The following GLRB variants were observed in gnomAD, a reference collection of about 807,000 sequenced individuals.
GLRB encodes the protein glycine receptor subunit beta.
GLRB carries 33 observed loss-of-function variants against 54.2 expected under a neutral mutation model. The ratio of observed to expected loss-of-function variants is 0.61; its 90% CI spans 0.46 to 0.81. The LOEUF is 0.81. GLRB is among the 40% of genes least tolerant of loss of function. The pLI, the probability that GLRB is intolerant of heterozygous loss-of-function variation, is 0.00. For missense variants in GLRB, 572 were observed against 584.6 expected, an observed-to-expected ratio of 0.98 and a Z score of 0.22; for synonymous variants, 209 against 208.2, an observed-to-expected ratio of 1.00 and a Z score of -0.03.
chr4:157,170,712 G>C lies in GLRB; in HGVS notation c.1478G>C (p.Trp493Ser), dbSNP rs1226476075. The change falls in exon 10 of 10, where the codon TGG becomes TCG. Residue 493 changes from tryptophan (W) to serine (S), a missense_variant. By Grantham distance (177) the Trp-to-Ser change is radical. Coordinates refer to ENST00000264428, the MANE Select transcript of GLRB (RefSeq NM_000824.5). ...FCFLFFNVIY[W>S]SIYL ...TTCTTGTTCTTCAATGTTATATATT[G>C]GTCTATATATTTATGATAAATCTTT... is the stretch of plus-strand genomic sequence containing the variant. 3 of 1,530,194 alleles carry C rather than the reference G, an allele frequency of 2.0e-6. No individual in the cohort carries two copies. The highest frequency in any genetic ancestry group is 1.8e-6 in the Non-Finnish European group (2 of 1,122,656). The allele number at this position is 1,530,194 out of a possible 1,614,324, so 94.8% of individuals were successfully genotyped here.
At chr4:157,160,076 C>T (rs764727108) in intron 9 of GLRB, among the ~76,000 whole-genome samples, 67 of 152,002 alleles carry the variant, frequency 4.4e-4, no homozygotes, top group Non-Finnish European at 7.2e-4. Context: ...GTGTGTGTGT[C>T]GAGGAATTTA....
intron 7 of GLRB, among the ~76,000 whole-genome samples, chr4:157,140,900 A>G (rs1454583806): frequency 6.6e-6 from 1 of 151,954 alleles, no homozygotes; most frequent in East Asian, 1.9e-4. Context: ...ATGTAATAGC[A>G]TATGATTATA....
chr4:157,160,043 C>T (rs138959591), intron 9 of GLRB, among the ~76,000 whole-genome samples: 7,437 of 152,200 alleles, frequency 0.049, 209 homozygotes, highest in Middle Eastern at 0.11. Flanking sequence ...GATTCAACTT[C>T]TTTCTGGTTT....
At chr4:157,130,554 T>C (rs944213607) in intron 4 of GLRB, among the ~76,000 whole-genome samples, 1 of 151,706 alleles carries the variant, frequency 6.6e-6, no homozygotes, top group Admixed American at 6.6e-5. Flanking sequence ...TCATGCATGC[T>C]GTAACATGTG....
intron 4 of GLRB, among the ~76,000 whole-genome samples, chr4:157,129,261 G>A (rs1007787860): frequency 6.6e-6 from 1 of 151,690 alleles, no homozygotes. Flanking sequence ...CATAAAAGAG[G>A]TCTGTTTCTG....
intron 2 of GLRB, among the ~76,000 whole-genome samples, chr4:157,105,356 G>A (rs1277291791): frequency 6.6e-6 from 1 of 151,772 alleles, no homozygotes; most frequent in Non-Finnish European, 1.5e-5. Flanking sequence ...CTGATTTCCA[G>A]TTTCATTCCA....
intron 4 of GLRB, among the ~76,000 whole-genome samples, chr4:157,126,602 C>T (rs1736023137): frequency 6.6e-6 from 1 of 151,850 alleles, no homozygotes; most frequent in Admixed American, 6.6e-5. Context: ...TTATGTGCTA[C>T]TGCTTGTGAC....
intron 4 of GLRB, among the ~76,000 whole-genome samples, chr4:157,130,519 A>T (rs17282413): frequency 0.034 from 5,214 of 151,328 alleles, 153 homozygotes; most frequent in African/African-American, 0.081. Context: ...TAGTCTTGAT[A>T]TTTTTTTGGT....
intron 2 of GLRB, among the ~76,000 whole-genome samples, chr4:157,119,934 A>T (rs1735744192): frequency 6.6e-6 from 1 of 151,786 alleles, no homozygotes; most frequent in Admixed American, 6.6e-5. Flanking sequence ...ACATGCACAC[A>T]TATGTGTATT....
intron 8 of GLRB, among the ~76,000 whole-genome samples, chr4:157,145,220 A>G (rs1482771517): frequency 6.6e-6 from 1 of 152,194 alleles, no homozygotes; most frequent in South Asian, 2.1e-4. Flanking sequence ...GACTTCTGAT[A>G]CCAGGTTCCT....
intron 2 of GLRB, among the ~76,000 whole-genome samples, chr4:157,101,121 A>G (rs1735009616): frequency 6.6e-6 from 1 of 152,134 alleles, no homozygotes; most frequent in Admixed American, 6.5e-5. Context: ...CATTCAAAGA[A>G]CATTTTCCCC....
chr4:157,093,115 A>G (rs1378973949), intron 2 of GLRB, among the ~76,000 whole-genome samples: 2 of 152,138 alleles, frequency 1.3e-5, no homozygotes, highest in East Asian at 3.9e-4. Flanking sequence ...TTTTCAAGCA[A>G]CATATTGGGT....
rs188613734 is a variant in GLRB, at chr4:157,124,059, T to C, written c.297+1662T>C. Among the ~76,000 whole-genome samples, 8 of 151,908 alleles carry C rather than the reference T, an allele frequency of 5.3e-5. No individual in the cohort carries two copies. In the East Asian group the frequency reaches 1.6e-3, roughly 30 times the overall value. ...TAGGTCTCATCAGTAGTTACTAGAC[T>C]GTATTGAGTTGAAAATACCAGGGAG... is the stretch of plus-strand genomic sequence containing the variant. On this transcript the variant is annotated intron_variant, in intron 4 of 9. Coordinates refer to ENST00000264428, the MANE Select transcript of GLRB (RefSeq NM_000824.5).
At chr4:157,099,113 G>T (rs951515991) in intron 2 of GLRB, among the ~76,000 whole-genome samples, 1 of 152,084 alleles carries the variant, frequency 6.6e-6, no homozygotes, top group Non-Finnish European at 1.5e-5. Context: ...CGTTTGGAAG[G>T]TCTGTGTCTG....
Position 157,098,897 on chromosome 4 carries a change from C to T in GLRB, c.122+20751C>T, listed in dbSNP as rs548602192. Among the ~76,000 whole-genome samples the T allele has an allele frequency of 1.5e-4, 23 of 152,168 alleles. No homozygotes were observed. In the South Asian group the frequency reaches 2.7e-3, roughly 18 times the overall value. ...TGCTGGGATTACAGGCATGAGCTAC[C>T]GTGCCTGGCTGAAAATCACTTTTTT... is the stretch of plus-strand genomic sequence containing the variant. On this transcript the variant is annotated intron_variant, in intron 2 of 9. Transcript: ENST00000264428.
intron 8 of GLRB, 149 bp downstream of exon 8, chr4:157,144,108 G>T: frequency 1.3e-6 from 1 of 774,422 alleles, no homozygotes; most frequent in Non-Finnish European, 2.2e-6. Context: ...ACTTGATATT[G>T]AACTAGATTT....
intron 9 of GLRB, among the ~76,000 whole-genome samples, chr4:157,162,862 C>T (rs1374726366): frequency 2.0e-5 from 3 of 152,222 alleles, no homozygotes; most frequent in Non-Finnish European, 4.4e-5. Context: ...CTCTTCAAAG[C>T]TGTCAGACAG....
At position 157,142,939 on chromosome 4, in the gene GLRB, A is replaced by G. The variant is rs1310834039; in HGVS notation, c.752-868A>G. ...AAACATTTAAGAAATAATCTCGAACATCTGGAAATACCTTTTCTATTTGAA... is the reference window on the plus strand; with the variant it reads ...AAACATTTAAGAAATAATCTCGAACGTCTGGAAATACCTTTTCTATTTGAA... On this transcript the variant is annotated intron_variant, in intron 7 of 9. Transcript: ENST00000264428. Among the ~76,000 whole-genome samples, 3 of 152,290 alleles carry G rather than the reference A, an allele frequency of 2.0e-5. No homozygotes were observed. The East Asian group carries it at 5.8e-4, about 29-fold the overall frequency.
chr4:157,158,401 T>C (rs1737324072), intron 9 of GLRB, among the ~76,000 whole-genome samples: 1 of 152,220 alleles, frequency 6.6e-6, no homozygotes, highest in Non-Finnish European at 1.5e-5. Flanking sequence ...CATGAAGTCC[T>C]TGCTCGTGCC....
Sources: allele counts gnomAD v4.1 joint callset (sites outside exome capture counted in the v4.1 genomes callset), GRCh38; gene constraint gnomAD v4.1.1; transcripts MANE v1.5; gene names NCBI Gene and HGNC (gene_info 2026-07-23, HGNC 2026-07-21).